The following ADGRV1 variants were observed in gnomAD, a reference collection of about 807,000 sequenced individuals.
ADGRV1 encodes G-protein coupled receptor 98.
A neutral mutation model predicts 596.2 loss-of-function variants in ADGRV1; 359 were observed. The ratio of observed to expected loss-of-function variants is 0.60; its 90% CI spans 0.55 to 0.66. The LOEUF is 0.66. Ranked by LOEUF, ADGRV1 falls within the 30% of genes least tolerant of loss-of-function variation. ADGRV1 has a pLI of 0.00. For synonymous variants in ADGRV1, 2,681 were observed against 2,679.2 expected (o/e 1.00, Z -0.02); for missense variants, 7,274 against 7,575.6 (o/e 0.96, Z 1.48).
intron 1 of ADGRV1, among the ~76,000 whole-genome samples, chr5:90,564,621 A>G: frequency 2.3e-5 from 1 of 44,224 alleles, no homozygotes; most frequent in Admixed American, 1.5e-4. Flanking sequence ...TAATATATAT[A>G]TATATTTTTT....
chr5:90,685,721 G>T, intron 28 of ADGRV1, 59 bp from the exon 29 acceptor site: 1 of 1,284,142 alleles, frequency 7.8e-7, no homozygotes, highest in South Asian at 1.3e-5. Flanking sequence ...GATGACTTTT[G>T]GCCAGTTCTT....
chr5:91,113,749 T>C (rs764292612), intron 87 of ADGRV1, among the ~76,000 whole-genome samples: 1 of 151,832 alleles, frequency 6.6e-6, no homozygotes, highest in Non-Finnish European at 1.5e-5. Flanking sequence ...TGAAACCCCA[T>C]CTCTACTAGA....
At chr5:90,605,457 A>G (rs1442087977) in intron 1 of ADGRV1, among the ~76,000 whole-genome samples, 2 of 151,540 alleles carry the variant, frequency 1.3e-5, no homozygotes, top group African/African-American at 4.8e-5. Flanking sequence ...AACTTTGTGT[A>G]TTAGATCAGA....
At chr5:91,014,547 A>G (rs1489256017) in intron 85 of ADGRV1, among the ~76,000 whole-genome samples, 6 of 151,384 alleles carry the variant, frequency 4.0e-5, no homozygotes, top group Non-Finnish European at 3.0e-5. Context: ...TTGGTAGGCT[A>G]TTTATTACTG....
At chr5:90,993,902 T>C (rs1394067841) in intron 85 of ADGRV1, among the ~76,000 whole-genome samples, 1 of 152,134 alleles carries the variant, frequency 6.6e-6, no homozygotes, top group Non-Finnish European at 1.5e-5. Flanking sequence ...TAAGGCTATG[T>C]TAATTTTTTT....
chr5:90,647,356 G>C (rs1767932519), intron 16 of ADGRV1, 142 bp from the exon 17 acceptor site: 1 of 677,024 alleles, frequency 1.5e-6, no homozygotes, highest in Non-Finnish European at 2.4e-6. Context: ...AGTCATGTCA[G>C]AGTTGGGAAC....
intron 84 of ADGRV1, among the ~76,000 whole-genome samples, chr5:90,982,925 A>G (rs987990713): frequency 3.3e-5 from 5 of 152,218 alleles, no homozygotes; most frequent in African/African-American, 4.8e-5. Context: ...ACACTACATT[A>G]AAATAAAATT....
At chr5:90,880,251 C>G (rs1240039888) in intron 83 of ADGRV1, among the ~76,000 whole-genome samples, 1 of 152,068 alleles carries the variant, frequency 6.6e-6, no homozygotes, top group East Asian at 1.9e-4. Context: ...CTCTTTTAAC[C>G]ACTAAATTAC....
Position 90,759,546 on chromosome 5 carries a change from A to G in ADGRV1, c.12078A>G (p.Gln4026=), listed in dbSNP as rs1254271837. The G allele has an allele frequency of 1.2e-6, 2 of 1,613,656 alleles. No homozygotes were observed. The highest frequency in any genetic ancestry group is 1.7e-5 in the Admixed American group (1 of 60,016). The change falls in exon 58 of 90, where the codon CAA becomes CAG. Residue 4026 remains glutamine, a synonymous_variant. Transcript: ENST00000405460. ...DDVVVTVVIP[Q]NDSPFGVFGF... is the part of the protein sequence containing the mutation. ...TTGTGGTAACTGTTGTTATTCCACAAAATGATTCTCCATTTGGAGTATTTG... is the reference window on the plus strand; with the variant it reads ...TTGTGGTAACTGTTGTTATTCCACAGAATGATTCTCCATTTGGAGTATTTG...
chr5:90,692,213 G>A (rs1370527215), intron 31 of ADGRV1, among the ~76,000 whole-genome samples: 2 of 151,914 alleles, frequency 1.3e-5, no homozygotes, highest in Non-Finnish European at 2.9e-5. Context: ...GATAATGTGG[G>A]AAATAAAGCA....
Position 90,788,260 on chromosome 5 carries a change from G to A in ADGRV1, c.13843G>A (p.Val4615Met), listed in dbSNP as rs1408553960. ...EETFIIKLHL[V>M]KGEAKLDSRA... ...GACATTCATTATTAAACTTCATCTTGTGAAAGGAGAAGCTAAATTAGACTC... is the reference window on the plus strand; with the variant it reads ...GACATTCATTATTAAACTTCATCTTATGAAAGGAGAAGCTAAATTAGACTC... The change falls in exon 68 of 90, where the codon GTG becomes ATG. Residue 4615 changes from valine to methionine, a missense_variant. Val to Met is a conservative substitution (Grantham distance 21, BLOSUM62 1). Transcript: ENST00000405460. The A allele has an allele frequency of 1.9e-6, 3 of 1,612,460 alleles. No homozygotes were observed. In the African/African-American group the frequency reaches 4.0e-5, roughly 21 times the overall value.
At chr5:90,944,864 T>G (rs1776441097) in intron 83 of ADGRV1, among the ~76,000 whole-genome samples, 1 of 152,204 alleles carries the variant, frequency 6.6e-6, no homozygotes, top group Non-Finnish European at 1.5e-5. Flanking sequence ...CATTTAATTT[T>G]ATTGCTGAGA....
intron 83 of ADGRV1, among the ~76,000 whole-genome samples, chr5:90,891,165 A>G (rs1770782010): frequency 6.8e-6 from 1 of 148,030 alleles, no homozygotes; most frequent in Non-Finnish European, 1.5e-5. Flanking sequence ...AGCTGTTTAT[A>G]TTTTATATTA....
intron 85 of ADGRV1, among the ~76,000 whole-genome samples, chr5:90,998,678 A>G (rs943830065): frequency 2.6e-5 from 4 of 152,092 alleles, no homozygotes; most frequent in Admixed American, 1.3e-4. Flanking sequence ...ATATATGTAT[A>G]ATTTTTTACT....
In ADGRV1 at chr5:90,708,658, G is replaced by A. The variant is rs140742484; in HGVS notation, c.8731-158G>A. Among the ~76,000 whole-genome samples, 726 of 151,942 alleles carry A rather than the reference G, an allele frequency of 4.8e-3. 6 individuals are homozygous for A. Among genetic ancestry groups the A allele is most frequent in the African/African-American group, 0.017 (694 of 41,464 alleles). ...ATACAACCAAGTATAAGTTTAATACGTTTATGTTTATTTTTTCTAATTTAC... is the reference window on the plus strand; with the variant it reads ...ATACAACCAAGTATAAGTTTAATACATTTATGTTTATTTTTTCTAATTTAC... On this transcript the variant is annotated intron_variant, in intron 38 of 89. Coordinates refer to ENST00000405460, the MANE Select transcript of ADGRV1 (RefSeq NM_032119.4).
intron 85 of ADGRV1, among the ~76,000 whole-genome samples, chr5:91,044,038 TACTC>T (rs1458177498): frequency 1.3e-5 from 2 of 152,100 alleles, no homozygotes; most frequent in African/African-American, 4.8e-5. Context: ...GTATAGGAGA[TACTC>T]AACAAATATT....
chr5:91,019,774 T>A (rs1228529391), intron 85 of ADGRV1, among the ~76,000 whole-genome samples: 2 of 152,048 alleles, frequency 1.3e-5, no homozygotes, highest in South Asian at 2.1e-4. Flanking sequence ...AAAAAATGAT[T>A]ATTTTCTATT....
chr5:90,996,141 C>A (rs1031848373), intron 85 of ADGRV1, among the ~76,000 whole-genome samples: 4 of 151,358 alleles, frequency 2.6e-5, no homozygotes, highest in Admixed American at 6.6e-5. Flanking sequence ...TAAAGAGGAG[C>A]TGAGTCTTAA....
At chr5:90,934,653 T>C (rs1485776117) in intron 83 of ADGRV1, among the ~76,000 whole-genome samples, 1 of 152,196 alleles carries the variant, frequency 6.6e-6, no homozygotes, top group Non-Finnish European at 1.5e-5. Flanking sequence ...CAGGGACCAC[T>C]GCTTCTTCAG....
Sources: allele counts gnomAD v4.1 joint callset (sites outside exome capture counted in the v4.1 genomes callset), GRCh38; gene constraint gnomAD v4.1.1; transcripts MANE v1.5; gene names NCBI Gene and HGNC (gene_info 2026-07-23, HGNC 2026-07-21).